Variants in NETO2 observed in about 807,000 individuals in gnomAD.
NETO2 encodes neuropilin and tolloid like 2, also known as neuropilin and tolloid-like protein 2.
NETO2 carries 28 observed loss-of-function variants against 62.5 expected under a neutral mutation model. That is an observed-to-expected ratio of 0.45 (90% CI 0.33 to 0.61). The LOEUF is 0.61. Ranked by LOEUF, NETO2 falls within the 20% of genes least tolerant of loss-of-function variation. NETO2 has a pLI of 0.02. For synonymous variants in NETO2, 214 were observed against 219.1 expected (o/e 0.98, Z 0.21); for missense variants, 548 against 643.2 (o/e 0.85, Z 1.60).
At chr16:47,087,657 T>C (rs2143807443) in intron 7 of NETO2, among the ~76,000 whole-genome samples, 1 of 152,324 alleles carries the variant, frequency 6.6e-6, no homozygotes, top group Admixed American at 6.5e-5. Flanking sequence ...TCAAAAAAAT[T>C]GTTTTAAGGA....
chr16:47,143,411 G>A (rs560900434), intron 1 of NETO2, among the ~76,000 whole-genome samples, 168 bp downstream of exon 1: 168 of 152,052 alleles, frequency 1.1e-3, no homozygotes, highest in Middle Eastern at 3.4e-3. Flanking sequence ...CGGCGGAGCC[G>A]GGCAGGGCTC....
intron 7 of NETO2, among the ~76,000 whole-genome samples, chr16:47,104,289 TA>T (rs1435850031): frequency 6.6e-6 from 1 of 152,146 alleles, no homozygotes; most frequent in Non-Finnish European, 1.5e-5. Flanking sequence ...ATAATAGCAT[TA>T]AAAAGAATAA....
chr16:47,127,452 T>C (rs746152386), intron 4 of NETO2, among the ~76,000 whole-genome samples: 8 of 152,020 alleles, frequency 5.3e-5, no homozygotes, highest in Non-Finnish European at 1.0e-4. Context: ...CACACACACA[T>C]ATAGTTTTTT....
intron 7 of NETO2, among the ~76,000 whole-genome samples, chr16:47,091,351 CA>C (rs1480036961): frequency 1.3e-5 from 2 of 151,502 alleles, no homozygotes; most frequent in Non-Finnish European, 2.9e-5. Flanking sequence ...TTTGTATTAA[CA>C]AAAAAAATTA....
chr16:47,141,004 C>T (rs1437643736), intron 1 of NETO2, among the ~76,000 whole-genome samples: 1 of 152,162 alleles, frequency 6.6e-6, no homozygotes, highest in Non-Finnish European at 1.5e-5. Context: ...AGAAGATTAA[C>T]TCGAATTCTG....
chr16:47,084,546 A>G (rs1330685417), intron 8 of NETO2, among the ~76,000 whole-genome samples: 1 of 152,224 alleles, frequency 6.6e-6, no homozygotes, highest in Non-Finnish European at 1.5e-5. Flanking sequence ...CCTATTATGG[A>G]TAACAATAAT....
rs11247545 is a variant in NETO2 at position 47,077,781 on chromosome 16, G to A, written c.*5440C>T. 18 of 152,296 alleles carry A rather than the reference G, an allele frequency of 1.2e-4. No individual in the cohort carries two copies. The East Asian group carries it at 2.9e-3, about 24-fold the overall frequency. The allele number at this position is 152,296 out of a possible 1,614,324, so 9.4% of individuals were successfully genotyped here. On this transcript the variant is annotated 3_prime_UTR_variant, in exon 9 of 9. Transcript: ENST00000562435. ...ATCCTAAATAACACAAAGTAAAATT[G>A]CTCTGTAACAATTTACAGAGACAGA...
intron 6 of NETO2, among the ~76,000 whole-genome samples, chr16:47,114,858 A>G: frequency 6.6e-6 from 1 of 152,086 alleles, no homozygotes; most frequent in Non-Finnish European, 1.5e-5. Flanking sequence ...ATAATTTTAC[A>G]TCTATGTCCA....
At chr16:47,119,106 T>C (rs926969703) in intron 6 of NETO2, among the ~76,000 whole-genome samples, 8 of 151,938 alleles carry the variant, frequency 5.3e-5, no homozygotes, top group South Asian at 4.1e-4. Context: ...CTTGCTGTAG[T>C]TGATTTATAA....
At chr16:47,091,457 A>G (rs552688488) in intron 7 of NETO2, among the ~76,000 whole-genome samples, 8 of 152,360 alleles carry the variant, frequency 5.3e-5, no homozygotes, top group African/African-American at 1.9e-4. Flanking sequence ...ATATGTGAGT[A>G]AAAAATGTGA....
intron 7 of NETO2, among the ~76,000 whole-genome samples, chr16:47,089,251 T>C (rs1963262047): frequency 6.6e-6 from 1 of 152,076 alleles, no homozygotes; most frequent in Admixed American, 6.6e-5. Context: ...GAGTCCACAA[T>C]AGCTACGAAC....
chr16:47,122,867 C>T lies in NETO2; in HGVS notation c.526+1G>A. ...GAGGAACAAGTGGTAATATACTAAA[C>T]CTGGAATGGGATTTAAAATACCTCC... On this transcript the variant is annotated splice_donor_variant, in intron 5 of 8. Transcript: ENST00000562435. LOFTEE classifies it high-confidence loss of function. 1 of 1,613,836 alleles carries T rather than the reference C, an allele frequency of 6.2e-7. No individual in the cohort carries two copies. Among genetic ancestry groups the T allele is most frequent in the Non-Finnish European group, 8.5e-7 (1 of 1,179,894 alleles).
At chr16:47,106,232 C>T (rs978769996) in intron 7 of NETO2, among the ~76,000 whole-genome samples, 64 of 152,026 alleles carry the variant, frequency 4.2e-4, no homozygotes, top group African/African-American at 1.4e-3. Context: ...TATGATTCTA[C>T]TATGAGTTAC....
chr16:47,124,316 T>A (rs1341688955), intron 4 of NETO2, among the ~76,000 whole-genome samples: 2 of 152,130 alleles, frequency 1.3e-5, no homozygotes, highest in Non-Finnish European at 2.9e-5. Context: ...TCAGAACTAT[T>A]TCATATGTAT....
chr16:47,112,010 A>G (rs1384824661), intron 6 of NETO2, among the ~76,000 whole-genome samples: 2 of 152,212 alleles, frequency 1.3e-5, no homozygotes, highest in Non-Finnish European at 2.9e-5. Context: ...GCCACTGATA[A>G]AAGTGGACTA....
At chr16:47,125,889 A>C (rs1964147649) in intron 4 of NETO2, among the ~76,000 whole-genome samples, 1 of 152,222 alleles carries the variant, frequency 6.6e-6, no homozygotes, top group Admixed American at 6.5e-5. Context: ...AGTGGCATTA[A>C]GCACATTTAC....
chr16:47,080,424 A>C lies in NETO2; in HGVS notation c.*2797T>G, dbSNP rs928183607. The C allele has an allele frequency of 6.6e-6, 1 of 152,180 alleles. No homozygotes were observed. Among genetic ancestry groups the C allele is most frequent in the African/African-American group, 2.4e-5 (1 of 41,442 alleles). 9.4% of individuals were successfully genotyped at this position (152,180 alleles called of 1,614,324 possible). Reference sequence around the variant, plus strand: ...TGTAATGAATTCCACAAGATTGCTAAATTTCATGTCTTCTGTTATTAAATT... The same window carrying C: ...TGTAATGAATTCCACAAGATTGCTACATTTCATGTCTTCTGTTATTAAATT... On this transcript the variant is annotated 3_prime_UTR_variant, in exon 9 of 9. Transcript: ENST00000562435.
At chr16:47,098,200 T>C (rs1390187209) in intron 7 of NETO2, among the ~76,000 whole-genome samples, 1 of 152,104 alleles carries the variant, frequency 6.6e-6, no homozygotes, top group Non-Finnish European at 1.5e-5. Flanking sequence ...AGAAGTAGGC[T>C]TCAGAATGTG....
intron 6 of NETO2, among the ~76,000 whole-genome samples, chr16:47,110,895 T>C (rs1301886831): frequency 6.6e-6 from 1 of 151,980 alleles, no homozygotes; most frequent in Non-Finnish European, 1.5e-5. Flanking sequence ...TTTGACTAAA[T>C]AATTTTGGTT....
Sources: gnomAD v4.1 joint callset for allele counts (sites outside exome capture counted in the v4.1 genomes callset) on GRCh38, gnomAD v4.1.1 for gene constraint, MANE v1.5 for transcripts, NCBI Gene and HGNC (gene_info 2026-07-23, HGNC 2026-07-21) for gene names.